JAK2: variants seen among roughly 807,000 people sequenced by gnomAD.
The protein encoded by JAK2 is Janus kinase 2, also known as tyrosine-protein kinase JAK2.
In JAK2, 86 loss-of-function variants were observed where a neutral mutation model predicts 139.3. The observed-to-expected ratio is 0.62, with a 90% confidence interval of 0.52 to 0.74. The LOEUF (loss-of-function observed/expected upper bound fraction) is 0.74, where lower values mean the gene tolerates loss of function less well. Among genes scored for constraint, JAK2 ranks in the 30% least tolerant of loss-of-function variants. The pLI, the probability that JAK2 is intolerant of heterozygous loss-of-function variation, is 0.00. For synonymous variants in JAK2, 490 were observed against 437.7 expected (o/e 1.12, Z -1.49); for missense variants, 1,421 against 1,360.3 (o/e 1.04, Z -0.70).
chr9:5,111,668 G>A (rs1026186931), intron 22 of JAK2: 13 of 408,876 alleles, frequency 3.2e-5, no homozygotes, highest in Admixed American at 5.9e-5. Flanking sequence ...GCCCAGCAGC[G>A]GCCCTGTGGG....
At chr9:5,125,741 G>GACTATTGCATTTCTTTTCTTAATGTGA (rs1564029003) in intron 23 of JAK2, among the ~76,000 whole-genome samples, 19 of 128,866 alleles carry the variant, frequency 1.5e-4, no homozygotes, top group East Asian at 2.0e-4. Flanking sequence ...TCTTAATGTG[G>GACTATTGCATTTCTTTTCTTAATGTGA]TTGACTATAT....
intron 2 of JAK2, among the ~76,000 whole-genome samples, chr9:5,021,058 T>C (rs1315548244): frequency 6.6e-6 from 1 of 152,126 alleles, no homozygotes; most frequent in African/African-American, 2.4e-5. Context: ...GTGTCTGGGA[T>C]TGCAGGAGTT....
intron 22 of JAK2, among the ~76,000 whole-genome samples, chr9:5,102,038 C>G (rs1227599149): frequency 2.0e-5 from 3 of 152,148 alleles, no homozygotes; most frequent in Admixed American, 6.6e-5. Flanking sequence ...TGGAGAATGA[C>G]TTTGACGAGC....
intron 4 of JAK2, among the ~76,000 whole-genome samples, chr9:5,038,789 A>G (rs1816267516): frequency 6.6e-6 from 1 of 152,120 alleles, no homozygotes; most frequent in South Asian, 2.1e-4. Flanking sequence ...CAGTTTGTTT[A>G]TAAAAAGATG....
chr9:5,000,026 C>T (rs1156309415), intron 2 of JAK2, among the ~76,000 whole-genome samples: 1 of 152,092 alleles, frequency 6.6e-6, no homozygotes, highest in African/African-American at 2.4e-5. Context: ...GTACTTTTCT[C>T]TGATTCTTAA....
At chr9:5,035,178 A>T (rs1312060965) in intron 4 of JAK2, among the ~76,000 whole-genome samples, 2 of 152,204 alleles carry the variant, frequency 1.3e-5, no homozygotes, top group African/African-American at 2.4e-5. Context: ...CCAAGACTAA[A>T]CCAGAAAGAA....
intron 3 of JAK2, among the ~76,000 whole-genome samples, chr9:5,028,880 T>G (rs1282425149): frequency 3.9e-5 from 6 of 152,230 alleles, no homozygotes; most frequent in Non-Finnish European, 8.8e-5. Flanking sequence ...TGTGGCTGGT[T>G]TGATCTTCTA....
At chr9:5,043,338 C>G (rs1433698654) in intron 4 of JAK2, among the ~76,000 whole-genome samples, 2 of 151,776 alleles carry the variant, frequency 1.3e-5, no homozygotes, top group Non-Finnish European at 2.9e-5. Flanking sequence ...AAATGAAACC[C>G]TCCGAAAAAA....
chr9:5,089,267 G>T (rs989962004), intron 19 of JAK2, among the ~76,000 whole-genome samples: 1 of 152,140 alleles, frequency 6.6e-6, no homozygotes, highest in Non-Finnish European at 1.5e-5. Context: ...TGCTGGGCAT[G>T]GTGGCTCATG....
intron 3 of JAK2, among the ~76,000 whole-genome samples, chr9:5,024,822 C>A (rs1822675158): frequency 6.6e-6 from 1 of 152,000 alleles, no homozygotes; most frequent in Non-Finnish European, 1.5e-5. Context: ...TCAGTCAGTC[C>A]CCAGTCAGGG....
intron 3 of JAK2, among the ~76,000 whole-genome samples, chr9:5,029,252 G>A (rs2130145871): frequency 6.6e-6 from 1 of 152,276 alleles, no homozygotes; most frequent in African/African-American, 2.4e-5. Flanking sequence ...GAGAGACACA[G>A]GAATGGCTGT....
At chr9:5,015,232 T>C (rs935328657) in intron 2 of JAK2, among the ~76,000 whole-genome samples, 3 of 152,232 alleles carry the variant, frequency 2.0e-5, no homozygotes. Flanking sequence ...GCGCAATGAA[T>C]ATTCTTGTAA....
rs777259241 is a variant in JAK2, at chr9:5,090,890, C to T, written c.3038C>T (p.Pro1013Leu). Residue 1013 changes from proline to leucine, a missense_variant, in exon 22 of 25, where the codon CCT (proline) becomes CTT (leucine). Physicochemically the swap from Pro to Leu is moderately conservative, Grantham distance 98. Coordinates refer to ENST00000381652, the MANE Select transcript of JAK2 (RefSeq NM_004972.4). ...AAAGAATACTATAAAGTAAAAGAACCTGGTGAAAGTCCCATATTCTGGTGA... is the reference window on the plus strand; with the variant it reads ...AAAGAATACTATAAAGTAAAAGAACTTGGTGAAAGTCCCATATTCTGGTGA... ...QDKEYYKVKEPGESPIFWYAP... is the reference protein window; with the variant it reads ...QDKEYYKVKELGESPIFWYAP... 6.2e-7 allele frequency: 1 copy of T among 1,604,628 alleles called. No individual in the cohort carries two copies. The highest frequency in any genetic ancestry group is 8.5e-7 in the Non-Finnish European group (1 of 1,176,858).
Position 5,128,966 on chromosome 9 carries a change from C to T in JAK2, c.*2175C>T, listed in dbSNP as rs894932932. ...ACAATCTTTATATAAATGACTTTTTCCATGGGTACTTGTTTGGAAAATAGT... is the reference window on the plus strand; with the variant it reads ...ACAATCTTTATATAAATGACTTTTTTCATGGGTACTTGTTTGGAAAATAGT... On this transcript the variant is annotated 3_prime_UTR_variant, in exon 25 of 25. Transcript: ENST00000381652. Among the ~76,000 whole-genome samples the T allele has an allele frequency of 6.6e-6, 1 of 151,890 alleles. No individual in the cohort carries two copies. Among genetic ancestry groups the T allele is most frequent in the Non-Finnish European group, 1.5e-5 (1 of 67,846 alleles).
chr9:5,041,946 G>A (rs1816573589), intron 4 of JAK2: 2 of 384,116 alleles, frequency 5.2e-6, no homozygotes, highest in Admixed American at 7.2e-5. Context: ...TCTTCCCCCT[G>A]AATCTTCTCC....
intron 2 of JAK2, among the ~76,000 whole-genome samples, chr9:4,992,318 G>A (rs1389140870): frequency 6.6e-6 from 1 of 152,182 alleles, no homozygotes; most frequent in Non-Finnish European, 1.5e-5. Flanking sequence ...GTGTGTCTCA[G>A]CATAAATCTT....
chr9:5,008,608 G>C (rs1821478664), intron 2 of JAK2, among the ~76,000 whole-genome samples: 1 of 152,216 alleles, frequency 6.6e-6, no homozygotes, highest in African/African-American at 2.4e-5. Flanking sequence ...ATTTTTATAT[G>C]TGTGGGTAAA....
chr9:5,054,824 A>T lies in JAK2; in HGVS notation c.876A>T (p.Gly292=). Residue 292 remains glycine, a synonymous_variant, in exon 7 of 25, where the codon GGA becomes GGT. Coordinates refer to ENST00000381652, the MANE Select transcript of JAK2 (RefSeq NM_004972.4). The surrounding 1 kb of genome is among the most constrained non-coding windows in gnomAD (Gnocchi z 4.9). ...TTTTTGCAACCATTATAATAACTGGAAACGGTGGAATTCAGTGGTCAAGAG... is the reference window on the plus strand; with the variant it reads ...TTTTTGCAACCATTATAATAACTGGTAACGGTGGAATTCAGTGGTCAAGAG... ...EEIFATIIIT[G]NGGIQWSRGK... is the part of the protein sequence containing the mutation. 6.2e-7 allele frequency: 1 copy of T among 1,612,608 alleles called. No individual in the cohort carries two copies. Among genetic ancestry groups the T allele is most frequent in the Non-Finnish European group, 8.5e-7 (1 of 1,179,236 alleles).
chr9:5,051,078 C>T (rs1370263046), intron 6 of JAK2, among the ~76,000 whole-genome samples: 1 of 152,082 alleles, frequency 6.6e-6, no homozygotes, highest in African/African-American at 2.4e-5. Flanking sequence ...CTTTGAACAT[C>T]ATGTTGACGT....
Sources: allele counts gnomAD v4.1 joint callset (sites outside exome capture counted in the v4.1 genomes callset), GRCh38; gene constraint gnomAD v4.1.1; non-coding constraint Gnocchi (gnomAD v3.1); transcripts MANE v1.5; gene names NCBI Gene and HGNC (gene_info 2026-07-23, HGNC 2026-07-21).